Variants in PEBP4 observed in about 807,000 individuals in gnomAD.
PEBP4 encodes phosphatidylethanolamine binding protein 4.
Under a neutral mutation model 23.9 loss-of-function variants are expected in PEBP4, and 22 were observed. That is an observed-to-expected ratio of 0.92 (90% CI 0.66 to 1.31). PEBP4 has a LOEUF of 1.31. Ranked by LOEUF, PEBP4 falls within the 40% of genes most tolerant of loss-of-function variation. The pLI is 0.00. For synonymous variants in PEBP4, 112 were observed against 99.3 expected (o/e 1.13, Z -0.76); for missense variants, 324 against 281.7 (o/e 1.15, Z -1.07).
In PEBP4 at chr8:22,860,337, G is replaced by C. The variant is rs147683291; in HGVS notation, c.259-42602C>G. Among the ~76,000 whole-genome samples the C allele has an allele frequency of 2.0e-5, 3 of 151,682 alleles. No individual in the cohort carries two copies. The East Asian group carries it at 5.8e-4, about 29-fold the overall frequency. The stretch of plus-strand genomic sequence containing the variant: ...TTGATATGCAACTGATCTCCAGAAT[G>C]CTTTTCATTTTGCAAAACTGAAACT... On this transcript the variant is annotated intron_variant, in intron 3 of 6. Coordinates refer to ENST00000256404, the MANE Select transcript of PEBP4 (RefSeq NM_144962.3).
intron 3 of PEBP4, among the ~76,000 whole-genome samples, chr8:22,830,147 T>TGTGTG (rs1393564112): frequency 8.6e-4 from 70 of 80,932 alleles, no homozygotes; most frequent in Admixed American, 3.9e-3. Flanking sequence ...GTGTGTGTGT[T>TGTGTG]TTTACGGAGT....
Position 22,935,937 on chromosome 8 carries a change from T to C in PEBP4, c.145-8217A>G, listed in dbSNP as rs535407791. Among the ~76,000 whole-genome samples the C allele has an allele frequency of 2.0e-5, 3 of 150,600 alleles. No individual in the cohort carries two copies. In the South Asian group the frequency reaches 6.3e-4, roughly 31 times the overall value. On this transcript the variant is annotated intron_variant, in intron 1 of 1. Coordinates refer to the PEBP4 transcript ENST00000522278. ...TGTAAAATAGCTATAAAAGCTTACA[T>C]TGAGAAGTTGTAAATGCTTATATTA...
At chr8:22,806,337 C>T (rs1199616807) in intron 4 of PEBP4, among the ~76,000 whole-genome samples, 2 of 152,124 alleles carry the variant, frequency 1.3e-5, no homozygotes, top group East Asian at 3.8e-4. Flanking sequence ...AACAAGGTAG[C>T]CGGGTGTGGT....
chr8:22,719,058 T>C (rs1173527833), intron 6 of PEBP4, among the ~76,000 whole-genome samples: 1 of 152,088 alleles, frequency 6.6e-6, no homozygotes. Context: ...ATGTGGCAAG[T>C]CCCTGCCCGT....
intron 4 of PEBP4, among the ~76,000 whole-genome samples, chr8:22,743,028 G>A (rs1007965303): frequency 2.0e-5 from 3 of 152,180 alleles, no homozygotes; most frequent in Admixed American, 6.5e-5. Flanking sequence ...CTGGTGCTTG[G>A]TTGGGGCAGG....
Position 22,857,880 on chromosome 8 carries a change from C to G in PEBP4, c.259-40145G>C, listed in dbSNP as rs564003741. On this transcript the variant is annotated intron_variant, in intron 3 of 6. Coordinates refer to ENST00000256404, the MANE Select transcript of PEBP4 (RefSeq NM_144962.3). ...GGATGGGGAGCAAGAGGAGAGCTGT[C>G]CATGAGAACTACCTGCAATAGTAGG... is the stretch of plus-strand genomic sequence containing the variant. Among the ~76,000 whole-genome samples, 6 of 152,316 alleles carry G rather than the reference C, an allele frequency of 3.9e-5. No homozygotes were observed. In the South Asian group the frequency reaches 1.2e-3, roughly 32 times the overall value.
intron 4 of PEBP4, among the ~76,000 whole-genome samples, chr8:22,728,080 G>A (rs547177191): frequency 2.6e-5 from 4 of 152,198 alleles, no homozygotes; most frequent in East Asian, 1.9e-4. Flanking sequence ...GGTGATTAGC[G>A]TGACTCTTAA....
intron 3 of PEBP4, chr8:22,896,075 G>A (rs1436617777): frequency 6.6e-6 from 1 of 152,240 alleles, no homozygotes; most frequent in East Asian, 1.9e-4. Flanking sequence ...ATGAAACCAT[G>A]TTCCCAAATC....
At chr8:22,924,710 G>A in intron 2 of PEBP4, 1 of 985,396 alleles carries the variant, frequency 1.0e-6, no homozygotes, top group Non-Finnish European at 1.2e-6. Flanking sequence ...GATGGCAGCA[G>A]CAGGTGGGGT....
At chr8:22,920,010 TCTC>T (rs1344833958) in intron 3 of PEBP4, among the ~76,000 whole-genome samples, 171 bp downstream of exon 3, 2 of 151,758 alleles carry the variant, frequency 1.3e-5, no homozygotes, top group East Asian at 1.9e-4. Context: ...CCCCCAGCCT[TCTC>T]CTCAAGTCCA....
chr8:22,902,234 C>T (rs1376759106), intron 3 of PEBP4, among the ~76,000 whole-genome samples: 2 of 152,186 alleles, frequency 1.3e-5, no homozygotes, highest in African/African-American at 2.4e-5. Flanking sequence ...GAGGCTGAGG[C>T]AGGATAATTG....
chr8:22,742,936 C>A (rs755910054), intron 4 of PEBP4, among the ~76,000 whole-genome samples: 11 of 152,148 alleles, frequency 7.2e-5, no homozygotes, highest in African/African-American at 1.4e-4. Flanking sequence ...CTGTGATGAA[C>A]GCTAGGAAGA....
At chr8:22,882,808 T>A (rs957974068) in intron 3 of PEBP4, among the ~76,000 whole-genome samples, 2 of 152,096 alleles carry the variant, frequency 1.3e-5, no homozygotes, top group Non-Finnish European at 2.9e-5. Context: ...TCCAGGCCAC[T>A]ATCCACCTGC....
intron 3 of PEBP4, among the ~76,000 whole-genome samples, chr8:22,860,507 TC>T (rs367975320): frequency 2.0e-3 from 304 of 152,284 alleles, no homozygotes; most frequent in African/African-American, 6.8e-3. Flanking sequence ...CTGGCTTATT[TC>T]ACTTAGCATA....
At chr8:22,778,499 C>T (rs750669328) in intron 4 of PEBP4, among the ~76,000 whole-genome samples, 2 of 151,946 alleles carry the variant, frequency 1.3e-5, no homozygotes, top group African/African-American at 2.4e-5. Context: ...ATAACTTGGA[C>T]AGGCTCCTGG....
At chr8:22,843,144 A>G (rs1807361631) in intron 3 of PEBP4, among the ~76,000 whole-genome samples, 1 of 151,734 alleles carries the variant, frequency 6.6e-6, no homozygotes, top group Admixed American at 6.6e-5. Context: ...TTGTATTTTT[A>G]GTAGAGACAG....
At chr8:22,876,086 CT>C (rs1808115670) in intron 3 of PEBP4, among the ~76,000 whole-genome samples, 1 of 151,982 alleles carries the variant, frequency 6.6e-6, no homozygotes, top group South Asian at 2.1e-4. Context: ...TATTTTGGTA[CT>C]TTTAGTAGAA....
chr8:22,771,001 A>C (rs1805707881), intron 4 of PEBP4, among the ~76,000 whole-genome samples: 1 of 152,244 alleles, frequency 6.6e-6, no homozygotes, highest in Non-Finnish European at 1.5e-5. Context: ...CATTGAAATC[A>C]GATATGTGAA....
At chr8:22,792,990 C>A (rs1231482760) in intron 4 of PEBP4, among the ~76,000 whole-genome samples, 1 of 152,128 alleles carries the variant, frequency 6.6e-6, no homozygotes. Context: ...TTTTTAAGTA[C>A]AATTTTAAAA....
Sources: gnomAD v4.1 joint callset for allele counts (sites outside exome capture counted in the v4.1 genomes callset) on GRCh38, gnomAD v4.1.1 for gene constraint, MANE v1.5 for transcripts, NCBI Gene and HGNC (gene_info 2026-07-23, HGNC 2026-07-21) for gene names.